DIP2C: variants seen among roughly 807,000 people sequenced by gnomAD.
The protein encoded by DIP2C is disco-interacting protein 2 homolog C.
Under a neutral mutation model 192.4 loss-of-function variants are expected in DIP2C, and 33 were observed. The observed-to-expected ratio is 0.17, with a 90% CI of 0.13 to 0.23. DIP2C has a LOEUF of 0.23. Ranked by LOEUF, DIP2C falls within the 10% of genes least tolerant of loss-of-function variation. The pLI, the probability that DIP2C is intolerant of heterozygous loss-of-function variation, is 1.00. For synonymous variants in DIP2C, 979 were observed against 864.1 expected (o/e 1.13, Z -2.33); for missense variants, 1,537 against 2,110.1 (o/e 0.73, Z 5.32).
chr10:412,953 C>A (rs898457465), intron 8 of DIP2C, among the ~76,000 whole-genome samples: 1 of 152,174 alleles, frequency 6.6e-6, no homozygotes, highest in Non-Finnish European at 1.5e-5. Context: ...CCATTTTGGT[C>A]CTTCAGTTAT....
At chr10:676,293 C>A (rs888439771) in intron 1 of DIP2C, among the ~76,000 whole-genome samples, 1 of 152,084 alleles carries the variant, frequency 6.6e-6, no homozygotes, top group Non-Finnish European at 1.5e-5. Context: ...GTGACAAACC[C>A]ACAGCTAACA....
At chr10:553,458 G>A (rs1848682874) in intron 1 of DIP2C, among the ~76,000 whole-genome samples, 1 of 152,182 alleles carries the variant, frequency 6.6e-6, no homozygotes, top group Admixed American at 6.6e-5. Context: ...TAACCACCCT[G>A]CACAGAAGCC....
In DIP2C at chr10:498,966, C is replaced by T. The variant is rs962014049; in HGVS notation, c.86-12436G>A. Among the ~76,000 whole-genome samples, 10 of 152,218 alleles carry T rather than the reference C, an allele frequency of 6.6e-5. No homozygotes were observed. In the East Asian group the frequency reaches 7.7e-4, roughly 12 times the overall value. ...ATTTCTCACCAACGCTGCTCTGCAC[C>T]GCACAGCACTGCTGACTCGGAGAAC... On this transcript the variant is annotated intron_variant, in intron 1 of 36. Coordinates refer to ENST00000280886, the MANE Select transcript of DIP2C (RefSeq NM_014974.3).
chr10:545,165 C>CTTTTTTT (rs1564836000), intron 1 of DIP2C, among the ~76,000 whole-genome samples: 2 of 91,896 alleles, frequency 2.2e-5, no homozygotes, highest in African/African-American at 1.1e-4. Context: ...TGGTGTTTTC[C>CTTTTTTT]CTTTTTTTTT....
Position 423,437 on chromosome 10 carries a change from C to T in DIP2C, c.395-404G>A, listed in dbSNP as rs184814378. On this transcript the variant is annotated intron_variant, in intron 4 of 36. Coordinates refer to ENST00000280886, the MANE Select transcript of DIP2C (RefSeq NM_014974.3). The stretch of plus-strand genomic sequence containing the variant: ...GTCTCAGTGTGACGTATGTTTAGCC[C>T]TTGTTAGTCCTGAGATGTTCTTGTG... Among the ~76,000 whole-genome samples the T allele has an allele frequency of 2.2e-3, 328 of 152,344 alleles. 4 individuals are homozygous for T. Among genetic ancestry groups the T allele is most frequent in the African/African-American group, 7.0e-3 (291 of 41,582 alleles).
intron 1 of DIP2C, among the ~76,000 whole-genome samples, chr10:549,979 C>T (rs1848501691): frequency 6.6e-6 from 1 of 151,596 alleles, no homozygotes; most frequent in African/African-American, 2.4e-5. Flanking sequence ...CATGCGGTGT[C>T]CTACAGAAGC....
rs113528962 is a variant in DIP2C, at chr10:399,239, G to T, written c.1150-20C>A. The T allele has an allele frequency of 6.2e-7, 1 of 1,608,220 alleles. No individual in the cohort carries two copies. The highest frequency in any genetic ancestry group is 8.5e-7 in the Non-Finnish European group (1 of 1,174,870). On this transcript the variant is annotated intron_variant, in intron 9 of 36. Transcript: ENST00000280886. The stretch of plus-strand genomic sequence containing the variant: ...TGCCACCTGTGGGACAGGCCAGAGC[G>T]GGTCAGCATTAACGTGGGGTCCTGG...
At chr10:447,285 G>T (rs1968319011) in intron 3 of DIP2C, among the ~76,000 whole-genome samples, 2 of 144,490 alleles carry the variant, frequency 1.4e-5, no homozygotes, top group African/African-American at 5.3e-5. Flanking sequence ...CGATATTCAG[G>T]ATCACACACA....
At chr10:420,081 G>C (rs994504850) in intron 5 of DIP2C, among the ~76,000 whole-genome samples, 3 of 152,214 alleles carry the variant, frequency 2.0e-5, no homozygotes, top group Non-Finnish European at 4.4e-5. Flanking sequence ...GGATCACCCC[G>C]CCACTGTCCC....
intron 34 of DIP2C, 47 bp downstream of exon 34, chr10:286,226 A>T: frequency 1.3e-6 from 2 of 1,581,764 alleles, no homozygotes; most frequent in South Asian, 2.2e-5. Flanking sequence ...CAAGCCAAGG[A>T]TACATAACAG....
chr10:311,684 A>T, intron 31 of DIP2C: 20 of 721,498 alleles, frequency 2.8e-5, no homozygotes, highest in Admixed American at 4.5e-5. Flanking sequence ...GATGGAGAAG[A>T]GGGAGGGGTG....
intron 24 of DIP2C, among the ~76,000 whole-genome samples, chr10:354,182 A>G (rs1035390253): frequency 1.3e-5 from 2 of 152,248 alleles, no homozygotes; most frequent in Non-Finnish European, 2.9e-5. Context: ...CATGCCTTCC[A>G]CACAGTCCTA....
chr10:390,347 T>C lies in DIP2C; in HGVS notation c.1411A>G (p.Thr471Ala). The C allele has an allele frequency of 6.2e-7, 1 of 1,613,932 alleles. No individual in the cohort carries two copies. Among genetic ancestry groups the C allele is most frequent in the Non-Finnish European group, 8.5e-7 (1 of 1,179,996 alleles). Residue 471 changes from threonine to alanine, a missense_variant, in exon 12 of 37, where the codon ACA becomes GCA. Around this residue, in one of 4 missense-constraint regions of DIP2C, gnomAD observed 677 missense variants for 989.9 expected, o/e 0.68. Coordinates refer to ENST00000280886, the MANE Select transcript of DIP2C (RefSeq NM_014974.3). ...KGWPKLLWFV[T>A]ESKHLSKPPR... ...GGTTTGGAGAGATGTTTAGACTCTG[T>C]GACAAACCACAGCAGCTTTGGCCAA...
chr10:341,473 C>A, intron 28 of DIP2C, 144 bp from the exon 29 acceptor site: 1 of 1,257,302 alleles, frequency 8.0e-7, no homozygotes, highest in Non-Finnish European at 1.1e-6. Context: ...CGGGGCTGCA[C>A]TGAACGCAAG....
At chr10:452,809 G>A (rs942591532) in intron 3 of DIP2C, among the ~76,000 whole-genome samples, 3 of 152,194 alleles carry the variant, frequency 2.0e-5, no homozygotes, top group African/African-American at 7.2e-5. Context: ...ACTGGCCAGT[G>A]GCCCAAATCC....
At chr10:439,355 C>T (rs981573475) in intron 4 of DIP2C, among the ~76,000 whole-genome samples, 2 of 152,172 alleles carry the variant, frequency 1.3e-5, no homozygotes, top group Non-Finnish European at 1.5e-5. Flanking sequence ...TTTGCTAGCA[C>T]GGCGTTCACT....
chr10:347,856 ACG>A (rs1958583309), intron 26 of DIP2C, among the ~76,000 whole-genome samples: 1 of 106,394 alleles, frequency 9.4e-6, no homozygotes, highest in Non-Finnish European at 2.0e-5. Flanking sequence ...ACGCACCCAG[ACG>A]CGTCGCGCAT....
chr10:399,571 G>A (rs1964251479), intron 9 of DIP2C, among the ~76,000 whole-genome samples: 1 of 152,098 alleles, frequency 6.6e-6, no homozygotes, highest in Admixed American at 6.5e-5. Context: ...CTTCATAACT[G>A]TCCTGGGACA....
chr10:417,122 A>G (rs2133116902), intron 6 of DIP2C, among the ~76,000 whole-genome samples: 1 of 152,224 alleles, frequency 6.6e-6, no homozygotes, highest in East Asian at 1.9e-4. Flanking sequence ...CCCATTAAAT[A>G]GCCCAACTAA....
Sources: allele counts gnomAD v4.1 joint callset (sites outside exome capture counted in the v4.1 genomes callset), GRCh38; gene constraint gnomAD v4.1.1; regional missense constraint gnomAD v4.1.1; transcripts MANE v1.5; gene names NCBI Gene and HGNC (gene_info 2026-07-23, HGNC 2026-07-21).